NEK6: variants seen among roughly 807,000 people sequenced by gnomAD.
NEK6 encodes the protein serine/threonine-protein kinase Nek6.
In NEK6, 27 loss-of-function variants were observed where a neutral mutation model predicts 43.5. The ratio of observed to expected loss-of-function variants is 0.62; its 90% CI spans 0.46 to 0.86. NEK6 has a LOEUF of 0.86. Among genes scored for constraint, NEK6 ranks in the 40% least tolerant of loss-of-function variants. The pLI is 0.00. For synonymous variants in NEK6, 167 were observed against 164.1 expected (o/e 1.02, Z -0.14); for missense variants, 318 against 414.4 (o/e 0.77, Z 2.02).
At chr9:124,264,790 A>C (rs1197386908) in intron 1 of NEK6, among the ~76,000 whole-genome samples, 1 of 141,540 alleles carries the variant, frequency 7.1e-6, no homozygotes, top group Non-Finnish European at 1.5e-5. Context: ...ACTCCAGCCT[A>C]GGCAACAGAG....
intron 7 of NEK6, among the ~76,000 whole-genome samples, chr9:124,333,020 C>A (rs2130994443): frequency 6.6e-6 from 1 of 152,288 alleles, no homozygotes; most frequent in African/African-American, 2.4e-5. Context: ...AAGGCCCGGG[C>A]TGCACTGCAC....
chr9:124,350,283 T>C lies in NEK6; in HGVS notation c.832-554T>C, dbSNP rs1318517693. 5.3e-5 allele frequency among the ~76,000 whole-genome samples: 8 copies of C among 151,944 alleles called. No homozygotes were observed. The East Asian group carries it at 1.2e-3, about 22-fold the overall frequency. On this transcript the variant is annotated intron_variant, in intron 9 of 9. Transcript: ENST00000320246. Reference sequence around the variant, plus strand: ...ATTGGCACTCCGGCTATCAGAAGAATGGAGGCGATCAGAGGCGCAAGGCGC... The same window carrying C: ...ATTGGCACTCCGGCTATCAGAAGAACGGAGGCGATCAGAGGCGCAAGGCGC...
At chr9:124,333,073 CCCT>C (rs1266389792) in intron 7 of NEK6, among the ~76,000 whole-genome samples, 1 of 152,202 alleles carries the variant, frequency 6.6e-6, no homozygotes, top group African/African-American at 2.4e-5. Context: ...CTGTGGAGAC[CCCT>C]CCTCCTGCCA....
intron 4 of NEK6, among the ~76,000 whole-genome samples, chr9:124,319,421 A>T (rs886959154): frequency 6.6e-6 from 1 of 152,038 alleles, no homozygotes; most frequent in Admixed American, 6.6e-5. Context: ...TACTCTGTTG[A>T]TCATTTCATT....
intron 1 of NEK6, among the ~76,000 whole-genome samples, chr9:124,300,322 G>A (rs1337679074): frequency 6.6e-6 from 1 of 152,184 alleles, no homozygotes; most frequent in Non-Finnish European, 1.5e-5. Flanking sequence ...GGACCTCTAG[G>A]AGCTGGCTGT....
At chr9:124,340,893 C>T (rs1342135262) in intron 8 of NEK6, among the ~76,000 whole-genome samples, 1 of 152,232 alleles carries the variant, frequency 6.6e-6, no homozygotes, top group Non-Finnish European at 1.5e-5. Context: ...CTGCCCACCG[C>T]TGGGCCACGT....
chr9:124,297,784 T>A (rs2119104851), intron 1 of NEK6, among the ~76,000 whole-genome samples: 1 of 152,336 alleles, frequency 6.6e-6, no homozygotes, highest in South Asian at 2.1e-4. Flanking sequence ...GTCCTCAGTG[T>A]TACCCCGAGG....
rs748129024 is a variant in NEK6 at position 124,350,872 on chromosome 9, C to A, written c.867C>A (p.Asp289Glu). The A allele has an allele frequency of 5.6e-6, 9 of 1,612,654 alleles. No homozygotes were observed. Among genetic ancestry groups the A allele is most frequent in the African/African-American group, 1.3e-5 (1 of 74,934 alleles). ...TGGTCAGCATGTGCATCTGCCCTGA[C>A]CCCCACCAGAGACCTGACATCGGAT... ...RELVSMCICP[D>E]PHQRPDIGYV... The change falls in exon 10 of 10, where the codon GAC becomes GAA. Residue 289 changes from aspartate to glutamate, a missense_variant. Coordinates refer to ENST00000320246, the MANE Select transcript of NEK6 (RefSeq NM_014397.6).
chr9:124,332,684 A>C (rs1829068770), intron 7 of NEK6, among the ~76,000 whole-genome samples: 1 of 152,164 alleles, frequency 6.6e-6, no homozygotes, highest in Admixed American at 6.5e-5. Context: ...GTAGCTAATG[A>C]ACATGTTTCA....
intron 1 of NEK6, among the ~76,000 whole-genome samples, chr9:124,296,650 A>G (rs910989794): frequency 2.6e-5 from 4 of 152,232 alleles, no homozygotes; most frequent in African/African-American, 7.2e-5. Flanking sequence ...ACTTCCATGC[A>G]TGGACCCCAG....
intron 7 of NEK6, among the ~76,000 whole-genome samples, chr9:124,338,990 C>T (rs1829435102): frequency 6.7e-6 from 1 of 149,866 alleles, no homozygotes; most frequent in African/African-American, 2.5e-5. Context: ...GGCAGAAACA[C>T]CAACCCCCAG....
intron 7 of NEK6, among the ~76,000 whole-genome samples, chr9:124,333,415 C>G (rs1471377810): frequency 6.6e-6 from 1 of 152,160 alleles, no homozygotes; most frequent in East Asian, 1.9e-4. Flanking sequence ...GGGGAGCAGC[C>G]CCTCCCCTGG....
intron 1 of NEK6, chr9:124,292,461 A>G: frequency 6.5e-7 from 1 of 1,537,014 alleles, no homozygotes; most frequent in Non-Finnish European, 8.7e-7. Context: ...AGAGAAAATT[A>G]GGGGAGGCCA....
At chr9:124,312,802 C>T (rs1833604049) in intron 3 of NEK6, among the ~76,000 whole-genome samples, 153 bp downstream of exon 3, 1 of 152,174 alleles carries the variant, frequency 6.6e-6, no homozygotes, top group Admixed American at 6.5e-5. Flanking sequence ...CAGGTGGACT[C>T]CTATTGATGA....
intron 7 of NEK6, among the ~76,000 whole-genome samples, chr9:124,330,189 G>A (rs888315492): frequency 2.0e-5 from 3 of 152,192 alleles, no homozygotes; most frequent in Admixed American, 2.0e-4. Flanking sequence ...TGGCTGCCTC[G>A]GTGTCAGAAA....
At chr9:124,337,081 G>A (rs1829335721) in intron 7 of NEK6, among the ~76,000 whole-genome samples, 1 of 152,124 alleles carries the variant, frequency 6.6e-6, no homozygotes, top group Non-Finnish European at 1.5e-5. Context: ...CAGGTTACAG[G>A]ACCAGATTCC....
At chr9:124,337,105 A>G (rs1165664051) in intron 7 of NEK6, among the ~76,000 whole-genome samples, 2 of 152,110 alleles carry the variant, frequency 1.3e-5, no homozygotes, top group Admixed American at 6.5e-5. Flanking sequence ...GCTCCACTCC[A>G]GACCTGCTAA....
At chr9:124,335,602 G>A (rs976429563) in intron 7 of NEK6, among the ~76,000 whole-genome samples, 7 of 152,244 alleles carry the variant, frequency 4.6e-5, no homozygotes, top group Non-Finnish European at 7.3e-5. Context: ...GCAGTGGCAC[G>A]CGCCGCCACA....
chr9:124,266,591 G>A lies in NEK6; in HGVS notation c.-30+8506G>A, dbSNP rs533233257. Among the ~76,000 whole-genome samples the A allele has an allele frequency of 2.6e-5, 4 of 152,330 alleles. No homozygotes were observed. The East Asian group carries it at 5.8e-4, about 22-fold the overall frequency. ...GCCCCTGAGCATCCGTCTTGTCATCGCATAGTTGTAACCTGCCTCACAGAC... is the reference window on the plus strand; with the variant it reads ...GCCCCTGAGCATCCGTCTTGTCATCACATAGTTGTAACCTGCCTCACAGAC... On this transcript the variant is annotated intron_variant, in intron 1 of 9. Coordinates refer to ENST00000320246, the MANE Select transcript of NEK6 (RefSeq NM_014397.6).
Sources: allele counts gnomAD v4.1 joint callset (sites outside exome capture counted in the v4.1 genomes callset), GRCh38; gene constraint gnomAD v4.1.1; transcripts MANE v1.5; gene names NCBI Gene and HGNC (gene_info 2026-07-23, HGNC 2026-07-21).